The following IPPK variants were observed in gnomAD, a reference collection of about 807,000 sequenced individuals.
The protein encoded by IPPK is inositol-pentakisphosphate 2-kinase.
A neutral mutation model predicts 64.6 loss-of-function variants in IPPK; 22 were observed. The observed-to-expected ratio is 0.34, with a 90% CI of 0.24 to 0.49. The LOEUF (loss-of-function observed/expected upper bound fraction) is 0.49, where lower values mean the gene tolerates loss of function less well. IPPK is among the 20% of genes least tolerant of loss of function. The pLI is 0.99. For synonymous variants in IPPK, 262 were observed against 247.2 expected (o/e 1.06, Z -0.56); for missense variants, 532 against 630.7 (o/e 0.84, Z 1.68).
rs988868820 is a variant in IPPK at position 92,644,071 on chromosome 9, G to A, written c.505-1261C>T. ...TCACATAACCGTCTTTCCCCTAAGAGCTTAGATAGTAATCACACCACAAAG... is the reference window on the plus strand; with the variant it reads ...TCACATAACCGTCTTTCCCCTAAGAACTTAGATAGTAATCACACCACAAAG... On this transcript the variant is annotated intron_variant, in intron 6 of 12. Coordinates refer to ENST00000287996, the MANE Select transcript of IPPK (RefSeq NM_022755.6). 3.9e-5 allele frequency among the ~76,000 whole-genome samples: 6 copies of A among 152,264 alleles called. No individual in the cohort carries two copies. The South Asian group carries it at 8.3e-4, about 21-fold the overall frequency.
At chr9:92,651,273 G>C (rs371689818) in intron 4 of IPPK, among the ~76,000 whole-genome samples, 2 of 152,154 alleles carry the variant, frequency 1.3e-5, no homozygotes, top group Non-Finnish European at 2.9e-5. Context: ...GCTGTGCTCC[G>C]GGCAGAGGCA....
intron 4 of IPPK, among the ~76,000 whole-genome samples, chr9:92,649,980 C>T (rs373776787): frequency 7.0e-6 from 1 of 143,656 alleles, no homozygotes; most frequent in Non-Finnish European, 1.5e-5. Flanking sequence ...GAGCCGAGAT[C>T]GTGCTACTGC....
chr9:92,669,145 C>T (rs769202731), intron 1 of IPPK, among the ~76,000 whole-genome samples: 1 of 152,144 alleles, frequency 6.6e-6, no homozygotes, highest in Non-Finnish European at 1.5e-5. Flanking sequence ...CTCCTCCCTA[C>T]ATGACACCTA....
chr9:92,630,917 G>A (rs1851827945), intron 11 of IPPK, among the ~76,000 whole-genome samples: 1 of 152,068 alleles, frequency 6.6e-6, no homozygotes, highest in African/African-American at 2.4e-5. Context: ...GTACACAGAG[G>A]TCAAAAAACT....
intron 6 of IPPK, among the ~76,000 whole-genome samples, chr9:92,644,340 G>T (rs1852107452): frequency 6.6e-6 from 1 of 152,152 alleles, no homozygotes; most frequent in African/African-American, 2.4e-5. Flanking sequence ...TGTATCTCTA[G>T]CTCCAAGGTT....
intron 7 of IPPK, among the ~76,000 whole-genome samples, chr9:92,642,216 G>A (rs375529013): frequency 4.0e-4 from 61 of 152,382 alleles, no homozygotes; most frequent in African/African-American, 1.4e-3. Flanking sequence ...CTCTGGCCAG[G>A]ACCGGACTCT....
intron 11 of IPPK, among the ~76,000 whole-genome samples, chr9:92,624,720 T>C (rs1851703765): frequency 7.1e-6 from 1 of 140,514 alleles, no homozygotes; most frequent in South Asian, 2.6e-4. Context: ...TTTGAGGACC[T>C]GCTGTATAGG....
chr9:92,665,250 A>C (rs1437171839), intron 1 of IPPK, among the ~76,000 whole-genome samples: 1 of 152,234 alleles, frequency 6.6e-6, no homozygotes, highest in Non-Finnish European at 1.5e-5. Flanking sequence ...CCAGCTAAAA[A>C]TTGTAAAAGG....
Position 92,648,094 on chromosome 9 carries a change from T to G in IPPK, c.469A>C (p.Lys157Gln), listed in dbSNP as rs1474597854. 1.9e-6 allele frequency: 3 copies of G among 1,613,706 alleles called. No individual in the cohort carries two copies. The highest frequency in any genetic ancestry group is 2.2e-5 in the South Asian group (2 of 90,940). The change falls in exon 6 of 13, where the codon AAG becomes CAG. Residue 157 changes from lysine (K) to glutamine (Q), a missense_variant. Transcript: ENST00000287996. The part of the protein sequence containing the change: ...SSDVTHEMKH[K>Q]VCRYCMHQHL... ...TGGTGCATGCAGTATCGACAGACCT[T>G]ATGCTTCATCTCATGCGTGACATCA... is the stretch of plus-strand genomic sequence containing the variant.
Position 92,638,210 on chromosome 9 carries a change from T to A in IPPK, c.707A>T (p.His236Leu), listed in dbSNP as rs1003073826. The A allele has an allele frequency of 6.2e-7, 1 of 1,614,092 alleles. No homozygotes were observed. Among genetic ancestry groups the A allele is most frequent in the African/African-American group, 1.3e-5 (1 of 74,938 alleles). The part of the protein sequence containing the change: ...PVADWSELAH[H>L]LKPFFFPSNG... ...GGAAGGGAAGAAGAACGGCTTCAGG[T>A]GGTGTGCAAGCTCGCTCCAGTCAGC... The change falls in exon 9 of 13, where the codon CAC (histidine) becomes CTC (leucine). Residue 236 changes from histidine to leucine, a missense_variant. Transcript: ENST00000287996.
chr9:92,633,388 T>G (rs915730755), intron 11 of IPPK, among the ~76,000 whole-genome samples: 23 of 152,150 alleles, frequency 1.5e-4, no homozygotes, highest in Admixed American at 1.3e-3. Context: ...AAAAAATGTT[T>G]TTTTGAGACG....
chr9:92,633,534 A>T (rs1363626649), intron 11 of IPPK, among the ~76,000 whole-genome samples: 1 of 151,710 alleles, frequency 6.6e-6, no homozygotes, highest in Non-Finnish European at 1.5e-5. Context: ...CTAATTTTTT[A>T]ATTTTTCTTT....
intron 8 of IPPK, among the ~76,000 whole-genome samples, chr9:92,639,464 G>A (rs914574067): frequency 6.6e-6 from 1 of 152,170 alleles, no homozygotes; most frequent in Admixed American, 6.5e-5. Context: ...TGCCTTGGCG[G>A]TGCCCTGTTA....
At chr9:92,649,318 TG>T in intron 5 of IPPK, 134 bp downstream of exon 5, 1 of 964,840 alleles carries the variant, frequency 1.0e-6, no homozygotes, top group Non-Finnish European at 1.6e-6. Context: ...CAGAAACAAG[TG>T]GAGTTTCCAG....
At chr9:92,656,706 G>A (rs1852380711) in intron 2 of IPPK, among the ~76,000 whole-genome samples, 155 bp from the exon 3 acceptor site, 1 of 152,076 alleles carries the variant, frequency 6.6e-6, no homozygotes, top group Non-Finnish European at 1.5e-5. Flanking sequence ...AGACCCAGGG[G>A]AAGGTCCCCA....
chr9:92,623,300 G>T (rs1366772238), intron 11 of IPPK, among the ~76,000 whole-genome samples: 2 of 152,100 alleles, frequency 1.3e-5, no homozygotes, highest in African/African-American at 4.8e-5. Context: ...CAGGCATGGT[G>T]GCGGGTGCCT....
intron 11 of IPPK, among the ~76,000 whole-genome samples, chr9:92,628,076 C>T (rs1405123763): frequency 6.6e-6 from 1 of 152,086 alleles, no homozygotes; most frequent in Admixed American, 6.5e-5. Flanking sequence ...AAATGGAATT[C>T]AGAAAACAAT....
chr9:92,620,244 A>C (rs1851585660), intron 11 of IPPK: 1 of 154,678 alleles, frequency 6.5e-6, no homozygotes, highest in South Asian at 2.0e-4. Flanking sequence ...ACACTCTTCA[A>C]CACATGCTCC....
chr9:92,667,111 T>A (rs1852615741), intron 1 of IPPK, among the ~76,000 whole-genome samples: 1 of 152,224 alleles, frequency 6.6e-6, no homozygotes, highest in Non-Finnish European at 1.5e-5. Flanking sequence ...ATTAGGGACC[T>A]TTCAATTCTG....
Sources: gnomAD v4.1 joint callset for allele counts (sites outside exome capture counted in the v4.1 genomes callset) on GRCh38, gnomAD v4.1.1 for gene constraint, MANE v1.5 for transcripts, NCBI Gene and HGNC (gene_info 2026-07-23, HGNC 2026-07-21) for gene names.